The following SDK2 variants were observed in gnomAD, a reference collection of about 807,000 sequenced individuals.
SDK2 encodes the protein sidekick cell adhesion molecule 2.
SDK2 carries 105 observed loss-of-function variants against 253.9 expected under a neutral mutation model. The ratio of observed to expected loss-of-function variants is 0.41; its 90% confidence interval spans 0.35 to 0.49. The LOEUF (loss-of-function observed/expected upper bound fraction) is 0.49, where lower values mean the gene tolerates loss of function less well. SDK2 is among the 20% of genes least tolerant of loss of function. The probability of loss-of-function intolerance (pLI) is 0.06; values close to 1 mark genes in which losing one functional copy is unlikely to be tolerated. For synonymous variants in SDK2, 1,249 were observed against 1,234.9 expected (o/e 1.01, Z -0.24); for missense variants, 2,608 against 3,003.0 (o/e 0.87, Z 3.07).
In SDK2 at chr17:73,435,375, C is replaced by T; in HGVS notation, c.1195+75G>A. ...GGAACGTGCTATGCACAAGAGGCCC[C>T]TCGGAAGACCTTGGAAGAAAGCTGC... On this transcript the variant is annotated intron_variant, in intron 9 of 44. Transcript: ENST00000392650. This position sits in a 1 kb window ranked among gnomAD's most constrained non-coding sequence, Gnocchi z 5.7. 1 of 1,421,004 alleles carries T rather than the reference C, an allele frequency of 7.0e-7. No individual in the cohort carries two copies. Among genetic ancestry groups the T allele is most frequent in the Non-Finnish European group, 9.5e-7 (1 of 1,052,458 alleles). The allele number at this position is 1,421,004 out of a possible 1,614,324, so 88.0% of individuals were successfully genotyped here.
In SDK2 at chr17:73,435,572, C is replaced by T. The variant is rs377586701; in HGVS notation, c.1073G>A (p.Arg358Gln). 1.3e-4 allele frequency: 212 copies of T among 1,584,070 alleles called. No homozygotes were observed. Among genetic ancestry groups the T allele is most frequent in the Non-Finnish European group, 1.7e-4 (194 of 1,165,328 alleles). The change falls in exon 9 of 45, where the codon CGG (arginine) becomes CAG (glutamine). Residue 358 changes from arginine to glutamine, a missense_variant. Arg to Gln is a conservative substitution (Grantham distance 43). This residue lies in a region of SDK2 where 1,505 missense variants were observed against 1,859.1 expected (regional missense o/e 0.81). Transcript: ENST00000392650. This position sits in a 1 kb window ranked among gnomAD's most constrained non-coding sequence, Gnocchi z 5.7. Reference protein sequence around the residue: ...VVEVEKLTRFRQRNDGGLQIS... With the variant: ...VVEVEKLTRFQQRNDGGLQIS... ...CTGCAGGCCCCCGTCGTTGCGCTGC[C>T]GGAAGCGGGTCAACTTCTCCACCTC...
intron 3 of SDK2, among the ~76,000 whole-genome samples, chr17:73,462,986 C>A (rs147468026): frequency 6.6e-5 from 10 of 152,328 alleles, no homozygotes; most frequent in Admixed American, 2.0e-4. Flanking sequence ...TGAACCACAG[C>A]AGCAAGAGGC....
chr17:73,420,520 G>C (rs1011229040), intron 15 of SDK2, among the ~76,000 whole-genome samples: 1 of 151,856 alleles, frequency 6.6e-6, no homozygotes, highest in African/African-American at 2.4e-5. Context: ...TAGTAGAGAC[G>C]GGGTTTCATC....
At chr17:73,389,132 G>A (rs78047814) in intron 29 of SDK2, among the ~76,000 whole-genome samples, 6,187 of 147,708 alleles carry the variant, frequency 0.042, 209 homozygotes, top group Middle Eastern at 0.12. Flanking sequence ...TCGGCCTCTT[G>A]AATGGCTGGG....
rs747059860 is a variant in SDK2, at chr17:73,398,042, C to T, written c.3347G>A (p.Arg1116His). 7.4e-6 allele frequency: 12 copies of T among 1,611,576 alleles called. No homozygotes were observed. Among genetic ancestry groups the T allele is most frequent in the East Asian group, 2.2e-5 (1 of 44,878 alleles). The stretch of plus-strand genomic sequence containing the variant: ...CCCTCGAGGGAGCCTTACCATCCAG[C>T]GCAGCCACAGGCTGGTCTCACTGGC... ...RTASETSLWL[R>H]WMPLPEMEYN... Residue 1116 changes from arginine (R) to histidine (H), a missense_variant, in exon 24 of 45, where the codon CGC (arginine) becomes CAC (histidine). This residue lies in a region of SDK2 where 1,505 missense variants were observed against 1,859.1 expected (regional missense o/e 0.81). Transcript: ENST00000392650.
chr17:73,428,519 A>C (rs1489981939), intron 12 of SDK2, among the ~76,000 whole-genome samples: 1 of 152,110 alleles, frequency 6.6e-6, no homozygotes, highest in Admixed American at 6.5e-5. Flanking sequence ...GATCCTTTCT[A>C]TTAGGTTGGT....
At chr17:73,347,760 G>A (rs1292402871) in intron 44 of SDK2, among the ~76,000 whole-genome samples, 1 of 137,318 alleles carries the variant, frequency 7.3e-6, no homozygotes, top group African/African-American at 2.7e-5. Context: ...AGGCTGCATG[G>A]TTGGAATACA....
intron 1 of SDK2, among the ~76,000 whole-genome samples, chr17:73,513,134 T>A (rs2063994217): frequency 7.5e-6 from 1 of 134,160 alleles, no homozygotes; most frequent in African/African-American, 2.5e-5. Flanking sequence ...ACACAGAAAT[T>A]CTGCCTGGAA....
chr17:73,617,178 G>A (rs1337661511), intron 1 of SDK2, among the ~76,000 whole-genome samples: 1 of 150,568 alleles, frequency 6.6e-6, no homozygotes, highest in African/African-American at 2.5e-5. Context: ...GAGGGGAGAG[G>A]GCTCCAGGGG....
intron 1 of SDK2, among the ~76,000 whole-genome samples, chr17:73,596,364 G>A (rs763344505): frequency 9.2e-5 from 14 of 152,206 alleles, no homozygotes; most frequent in Non-Finnish European, 1.8e-4. Flanking sequence ...CCTCCCTGGA[G>A]AGGGGCATGA....
rs866574663 is a variant in SDK2, at chr17:73,481,976, G to A, written c.225-9758C>T. On this transcript the variant is annotated intron_variant, in intron 2 of 44. Coordinates refer to ENST00000392650, the MANE Select transcript of SDK2 (RefSeq NM_001144952.2). This position sits in a 1 kb window ranked among gnomAD's most constrained non-coding sequence, Gnocchi z 4.5. ...CACAACCCCGACTAATACACCGACC[G>A]TAGAATATGGGAGATAGGCCGGGTG... Among the ~76,000 whole-genome samples, 11 of 152,178 alleles carry A rather than the reference G, an allele frequency of 7.2e-5. No homozygotes were observed. The highest frequency in any genetic ancestry group is 1.2e-4 in the Non-Finnish European group (8 of 68,038).
At chr17:73,510,155 G>A (rs1035236304) in intron 1 of SDK2, among the ~76,000 whole-genome samples, 7 of 151,968 alleles carry the variant, frequency 4.6e-5, no homozygotes, top group Non-Finnish European at 8.8e-5. Context: ...TGGACATCCT[G>A]GTCTTTGGTC....
intron 4 of SDK2, among the ~76,000 whole-genome samples, chr17:73,454,052 C>G (rs1181206892): frequency 6.6e-6 from 1 of 152,168 alleles, no homozygotes; most frequent in Non-Finnish European, 1.5e-5. Flanking sequence ...GTTACAATTG[C>G]CTACAGTACA....
chr17:73,496,840 C>G lies in SDK2; in HGVS notation c.224+10598G>C, dbSNP rs934641238. The stretch of plus-strand genomic sequence containing the variant: ...ACTCCTCAACTTGCCCCATCCTCCC[C>G]CTCCTGAAGGTCACCAGACTTCTAT... On this transcript the variant is annotated intron_variant, in intron 2 of 44. Transcript: ENST00000392650. This position sits in a 1 kb window ranked among gnomAD's most constrained non-coding sequence, Gnocchi z 4.7. 2.0e-5 allele frequency among the ~76,000 whole-genome samples: 3 copies of G among 152,180 alleles called. No individual in the cohort carries two copies. Among genetic ancestry groups the G allele is most frequent in the African/African-American group, 2.4e-5 (1 of 41,438 alleles).
In SDK2 at chr17:73,355,172, ATATTTT is replaced by A. The variant is rs1454890646; in HGVS notation, c.5594-2541_5594-2536del. On this transcript the variant is annotated intron_variant, in intron 40 of 44. Coordinates refer to ENST00000392650, the MANE Select transcript of SDK2 (RefSeq NM_001144952.2). ...CTCCTACACCTCCATATATATATAT[ATATTTT>A]TTTTTTTTTTTTTTTTTAGACGGAG... Among the ~76,000 whole-genome samples, 77 of 23,332 alleles carry A rather than the reference ATATTTT, an allele frequency of 3.3e-3. 1 individual carries two copies. Among genetic ancestry groups the A allele is most frequent in the Admixed American group, 6.7e-3 (15 of 2,248 alleles). The allele number at this position is 23,332 out of a possible 152,430, so 15.3% of individuals were successfully genotyped here.
chr17:73,607,962 T>G (rs966604172), intron 1 of SDK2, among the ~76,000 whole-genome samples: 1 of 152,036 alleles, frequency 6.6e-6, no homozygotes, highest in Non-Finnish European at 1.5e-5. Context: ...GTTGCCCTTT[T>G]TGTTAACATC....
chr17:73,473,715 A>G (rs981118172), intron 2 of SDK2, among the ~76,000 whole-genome samples: 4 of 152,156 alleles, frequency 2.6e-5, no homozygotes, highest in Non-Finnish European at 5.9e-5. Flanking sequence ...ACGTTTCTTC[A>G]TTTCACACAG....
chr17:73,414,556 G>A (rs1342246648), intron 18 of SDK2, 88 bp downstream of exon 18: 4 of 975,680 alleles, frequency 4.1e-6, no homozygotes, highest in East Asian at 2.5e-5. Flanking sequence ...ACAGAGGGGG[G>A]ATTTCCTCCT....
chr17:73,506,324 C>G (rs1265201529), intron 2 of SDK2, among the ~76,000 whole-genome samples: 1 of 152,156 alleles, frequency 6.6e-6, no homozygotes, highest in Non-Finnish European at 1.5e-5. Context: ...AGTGGCCAGC[C>G]CTGCAGGACC....
Sources: allele counts gnomAD v4.1 joint callset (sites outside exome capture counted in the v4.1 genomes callset), GRCh38; gene constraint gnomAD v4.1.1; regional missense constraint gnomAD v4.1.1; non-coding constraint Gnocchi (gnomAD v3.1); transcripts MANE v1.5; gene names NCBI Gene and HGNC (gene_info 2026-07-23, HGNC 2026-07-21).